Variants in TNR observed in about 807,000 individuals in gnomAD.
The protein encoded by TNR is tenascin R, also known as tenascin-R.
A neutral mutation model predicts 150.4 loss-of-function variants in TNR; 45 were observed. The ratio of observed to expected loss-of-function variants is 0.30; its 90% CI spans 0.24 to 0.38. TNR has a LOEUF of 0.38. Among genes scored for constraint, TNR ranks in the 10% least tolerant of loss-of-function variants. The probability of loss-of-function intolerance (pLI) is 1.00; values close to 1 mark genes in which losing one functional copy is unlikely to be tolerated. For missense variants in TNR, 1,544 were observed against 1,759.1 expected (o/e 0.88, Z 2.19); for synonymous variants, 687 against 678.4 (o/e 1.01, Z -0.20).
intron 1 of TNR, among the ~76,000 whole-genome samples, chr1:175,626,379 C>A (rs935682770): frequency 3.9e-5 from 6 of 152,166 alleles, no homozygotes; most frequent in African/African-American, 1.4e-4. Context: ...CTTCCAGAAC[C>A]ATATCACCCA....
intron 1 of TNR, among the ~76,000 whole-genome samples, chr1:175,624,203 C>G (rs1412902807): frequency 6.6e-6 from 1 of 152,134 alleles, no homozygotes; most frequent in South Asian, 2.1e-4. Context: ...TTTTGGTACA[C>G]CCAGGCTCAT....
chr1:175,362,860 G>A, intron 13 of TNR, 51 bp from the exon 14 acceptor site: 2 of 1,609,998 alleles, frequency 1.2e-6, no homozygotes, highest in Non-Finnish European at 1.7e-6. Flanking sequence ...TTTCATCCAA[G>A]CAGCCCATGG....
intron 2 of TNR, among the ~76,000 whole-genome samples, chr1:175,503,616 G>T (rs867632927): frequency 1.3e-5 from 2 of 152,156 alleles, no homozygotes; most frequent in Non-Finnish European, 2.9e-5. Flanking sequence ...GGCAGGTCCT[G>T]GCTTCCTTTC....
intron 1 of TNR, among the ~76,000 whole-genome samples, chr1:175,651,935 G>A (rs1047329866): frequency 1.3e-5 from 2 of 151,068 alleles, no homozygotes; most frequent in African/African-American, 4.8e-5. Context: ...CTATGTTCAT[G>A]GATGAAATAA....
At chr1:175,364,018 G>T (rs1651721637) in intron 12 of TNR, among the ~76,000 whole-genome samples, 191 bp from the exon 13 acceptor site, 1 of 152,182 alleles carries the variant, frequency 6.6e-6, no homozygotes. Context: ...TATGACCAAA[G>T]CTATGTTCAT....
intron 1 of TNR, among the ~76,000 whole-genome samples, chr1:175,643,854 T>A (rs1664735648): frequency 6.6e-6 from 1 of 152,176 alleles, no homozygotes; most frequent in Admixed American, 6.5e-5. Context: ...AAACAAAATG[T>A]TATAAGACAA....
At chr1:175,638,537 C>A (rs542567875) in intron 1 of TNR, among the ~76,000 whole-genome samples, 1 of 152,230 alleles carries the variant, frequency 6.6e-6, no homozygotes, top group Non-Finnish European at 1.5e-5. Context: ...TGCTCTGGAC[C>A]TCTGCACCAG....
rs1653799317 is a variant in TNR at position 175,403,268 on chromosome 1, C to A, written c.848G>T (p.Cys283Phe). ...GTCCTCACCAACGTAGCCCTCCTCG[C>A]ATAAACAGGTACCGTTGGCACATCT... ...KGRCANGTCL[C>F]EEGYVGEDCG... Residue 283 changes from cysteine to phenylalanine, a missense_variant, in exon 4 of 23, where the codon TGC becomes TTC. Cys to Phe is a radical substitution (Grantham distance 205). Transcript: ENST00000367674. 1.2e-6 allele frequency: 2 copies of A among 1,614,186 alleles called. No homozygotes were observed. The highest frequency in any genetic ancestry group is 1.7e-6 in the Non-Finnish European group (2 of 1,180,040).
rs1664619510 is a variant in TNR, at chr1:175,640,409, A to C, written c.-165+102817T>G. On this transcript the variant is annotated intron_variant, in intron 1 of 22. Coordinates refer to ENST00000367674, the MANE Select transcript of TNR (RefSeq NM_003285.3). The stretch of plus-strand genomic sequence containing the variant: ...GAATTTAAAGGTGTCTTGGTTGTTA[A>C]GCCATGTACTGGCACCATTATCTCT... 4.6e-5 allele frequency among the ~76,000 whole-genome samples: 7 copies of C among 152,212 alleles called. 1 individual carries two copies. The highest frequency in any genetic ancestry group is 4.6e-4 in the Admixed American group (7 of 15,280).
chr1:175,359,825 T>C, intron 14 of TNR, 94 bp from the exon 15 acceptor site: 2 of 1,463,602 alleles, frequency 1.4e-6, no homozygotes, highest in South Asian at 2.7e-5. Context: ...GGTGCAAGAC[T>C]GCTGCTGCAC....
intron 1 of TNR, among the ~76,000 whole-genome samples, chr1:175,570,457 A>G (rs568193966): frequency 1.5e-4 from 23 of 152,314 alleles, no homozygotes; most frequent in African/African-American, 5.1e-4. Context: ...CAGGGTAGAC[A>G]TGAATGATAT....
In TNR at chr1:175,331,019, T is replaced by A. The variant is rs186659087; in HGVS notation, c.3632-784A>T. Among the ~76,000 whole-genome samples, 4 of 62,010 alleles carry A rather than the reference T, an allele frequency of 6.5e-5. No individual in the cohort carries two copies. In the East Asian group the frequency reaches 2.6e-3, roughly 40 times the overall value. 40.7% of individuals were successfully genotyped at this position (62,010 alleles called of 152,430 possible). ...GGTGATTCTTTCTTTCTTTCTTTCT[T>A]TCTTTCTTTCTTTCTTTCTTTCTTT... On this transcript the variant is annotated intron_variant, in intron 20 of 22. Coordinates refer to ENST00000367674, the MANE Select transcript of TNR (RefSeq NM_003285.3).
intron 14 of TNR, among the ~76,000 whole-genome samples, chr1:175,360,279 G>C (rs1409886910): frequency 6.6e-6 from 1 of 152,216 alleles, no homozygotes; most frequent in South Asian, 2.1e-4. Context: ...GAATGACTGC[G>C]TGGGCTCAGT....
chr1:175,561,282 C>A (rs1471585014), intron 1 of TNR, among the ~76,000 whole-genome samples: 1 of 151,870 alleles, frequency 6.6e-6, no homozygotes, highest in East Asian at 1.9e-4. Flanking sequence ...CAGGATGTCA[C>A]CTCATTTCTC....
chr1:175,595,933 GAAATT>G (rs1662987257), intron 1 of TNR, among the ~76,000 whole-genome samples: 1 of 152,038 alleles, frequency 6.6e-6, no homozygotes, highest in Non-Finnish European at 1.5e-5. Context: ...GAGGCACAGA[GAAATT>G]AAACAACTTG....
intron 2 of TNR, among the ~76,000 whole-genome samples, chr1:175,436,905 G>T (rs1300531016): frequency 6.6e-6 from 1 of 152,158 alleles, no homozygotes; most frequent in Non-Finnish European, 1.5e-5. Flanking sequence ...CCTACAAAGA[G>T]ACTTAGACTC....
At chr1:175,347,378 T>C (rs1163483943) in intron 18 of TNR, among the ~76,000 whole-genome samples, 1 of 152,216 alleles carries the variant, frequency 6.6e-6, no homozygotes, top group Non-Finnish European at 1.5e-5. Flanking sequence ...TTATATATTT[T>C]CTTTATTTTA....
At chr1:175,405,469 A>T (rs1343560289) in intron 3 of TNR, among the ~76,000 whole-genome samples, 1 of 152,218 alleles carries the variant, frequency 6.6e-6, no homozygotes, top group Admixed American at 6.5e-5. Context: ...AAGGTAACTC[A>T]CAAGGGTTAC....
At chr1:175,550,700 G>A (rs752980845) in intron 1 of TNR, among the ~76,000 whole-genome samples, 11 of 151,616 alleles carry the variant, frequency 7.3e-5, no homozygotes, top group Non-Finnish European at 1.5e-4. Context: ...AAAAAAATTA[G>A]CAGACATTTG....
Sources: gnomAD v4.1 joint callset for allele counts (sites outside exome capture counted in the v4.1 genomes callset) on GRCh38, gnomAD v4.1.1 for gene constraint, MANE v1.5 for transcripts, NCBI Gene and HGNC (gene_info 2026-07-23, HGNC 2026-07-21) for gene names.